RIMS1: variants seen among roughly 807,000 people sequenced by gnomAD.
RIMS1 encodes regulating synaptic membrane exocytosis 1, also known as regulating synaptic membrane exocytosis protein 1.
A neutral mutation model predicts 214.1 loss-of-function variants in RIMS1; 83 were observed. The observed-to-expected ratio is 0.39, with a 90% confidence interval of 0.32 to 0.47. RIMS1 has a LOEUF of 0.47. RIMS1 is among the 20% of genes least tolerant of loss of function. The probability of loss-of-function intolerance (pLI) is 0.99; values close to 1 mark genes in which losing one functional copy is unlikely to be tolerated. For synonymous variants in RIMS1, 793 were observed against 786.8 expected (o/e 1.01, Z -0.13); for missense variants, 2,050 against 2,161.8 (o/e 0.95, Z 1.03).
intron 26 of RIMS1, among the ~76,000 whole-genome samples, chr6:72,297,853 G>A (rs2094247829): frequency 6.6e-6 from 1 of 151,962 alleles, no homozygotes; most frequent in Admixed American, 6.6e-5. Context: ...TTAAGCTCAC[G>A]TAACCCAAAA....
In RIMS1 at chr6:71,905,686, T is replaced by A. The variant is rs1775048059; in HGVS notation, c.164+18499T>A. ...AAAACTGGGATGCCTGGGATTTGAG[T>A]GAGAAGAGCGTTAGCAGCCAGATCA... On this transcript the variant is annotated intron_variant, in intron 1 of 33. Coordinates refer to ENST00000521978, the MANE Select transcript of RIMS1 (RefSeq NM_014989.7). Among the ~76,000 whole-genome samples the A allele has an allele frequency of 2.6e-5, 4 of 152,230 alleles. No homozygotes were observed. The South Asian group carries it at 8.3e-4, about 32-fold the overall frequency.
chr6:72,383,898 A>G (rs1437899204), intron 29 of RIMS1, among the ~76,000 whole-genome samples: 2 of 152,210 alleles, frequency 1.3e-5, no homozygotes, highest in African/African-American at 4.8e-5. Flanking sequence ...ATATTATTTC[A>G]GAATAACCAA....
intron 6 of RIMS1, among the ~76,000 whole-genome samples, chr6:72,197,652 A>T (rs2051209319): frequency 6.6e-6 from 1 of 152,144 alleles, no homozygotes; most frequent in Non-Finnish European, 1.5e-5. Context: ...GACCAAACTC[A>T]GTATCACACA....
intron 2 of RIMS1, among the ~76,000 whole-genome samples, chr6:72,039,618 ACTCT>A (rs761436146): frequency 5.9e-5 from 9 of 151,990 alleles, no homozygotes; most frequent in Non-Finnish European, 8.8e-5. Context: ...AAGCACCAAG[ACTCT>A]CTGTGATCCA....
At chr6:72,249,677 T>A (rs1020169138) in intron 12 of RIMS1, among the ~76,000 whole-genome samples, 1 of 152,066 alleles carries the variant, frequency 6.6e-6, no homozygotes, top group African/African-American at 2.4e-5. Context: ...GAGGCTGAAC[T>A]GGGAGAATTG....
At chr6:72,376,476 GGGCTCCGT>G (rs1289490849) in intron 29 of RIMS1, among the ~76,000 whole-genome samples, 1 of 152,144 alleles carries the variant, frequency 6.6e-6, no homozygotes, top group Non-Finnish European at 1.5e-5. Context: ...AAGAAGGGCT[GGGCTCCGT>G]GGCTCATTCC....
chr6:72,038,584 C>T (rs1169782407), intron 2 of RIMS1, among the ~76,000 whole-genome samples: 1 of 151,994 alleles, frequency 6.6e-6, no homozygotes, highest in Non-Finnish European at 1.5e-5. Context: ...AGTTTTAAAA[C>T]AAATGTTTAC....
At chr6:72,110,294 G>T (rs2035776416) in intron 4 of RIMS1, among the ~76,000 whole-genome samples, 1 of 152,204 alleles carries the variant, frequency 6.6e-6, no homozygotes, top group African/African-American at 2.4e-5. Flanking sequence ...ACCTTGGGCA[G>T]TATGGCCATT....
At chr6:72,183,970 TAAATC>T (rs2048741800) in intron 6 of RIMS1, among the ~76,000 whole-genome samples, 1 of 152,204 alleles carries the variant, frequency 6.6e-6, no homozygotes. Flanking sequence ...CATGCGGTAT[TAAATC>T]ATAGCTGCAT....
At chr6:72,017,825 T>A (rs552972956) in intron 2 of RIMS1, among the ~76,000 whole-genome samples, 1 of 152,330 alleles carries the variant, frequency 6.6e-6, no homozygotes, top group Admixed American at 6.5e-5. Flanking sequence ...GACATTTCAG[T>A]AACAACCTGA....
chr6:71,928,499 T>C (rs1782169958), intron 1 of RIMS1, among the ~76,000 whole-genome samples: 1 of 152,148 alleles, frequency 6.6e-6, no homozygotes, highest in Non-Finnish European at 1.5e-5. Context: ...ATGGAGGGTA[T>C]ATTAAAATCA....
intron 29 of RIMS1, among the ~76,000 whole-genome samples, chr6:72,346,071 C>G (rs561991154): frequency 6.6e-6 from 1 of 151,694 alleles, no homozygotes; most frequent in African/African-American, 2.4e-5. Flanking sequence ...TCCTTTTTGA[C>G]CCTCCATTTT....
At chr6:72,058,541 C>T (rs1201573518) in intron 2 of RIMS1, among the ~76,000 whole-genome samples, 1 of 152,168 alleles carries the variant, frequency 6.6e-6, no homozygotes, top group Non-Finnish European at 1.5e-5. Flanking sequence ...TTGTAGGAAC[C>T]CTTTCATATG....
At chr6:72,329,827 A>T (rs2154336030) in intron 28 of RIMS1, among the ~76,000 whole-genome samples, 1 of 151,778 alleles carries the variant, frequency 6.6e-6, no homozygotes, top group Non-Finnish European at 1.5e-5. Context: ...AAGATTGGAG[A>T]GGGAGCAGGT....
At chr6:71,901,853 C>T (rs78468532) in intron 1 of RIMS1, among the ~76,000 whole-genome samples, 3,309 of 152,056 alleles carry the variant, frequency 0.022, 117 homozygotes, top group African/African-American at 0.073. Context: ...CTATTGTATT[C>T]GGTAACAAGG....
chr6:72,284,761 A>C (rs1294886874), intron 24 of RIMS1, among the ~76,000 whole-genome samples: 1 of 152,182 alleles, frequency 6.6e-6, no homozygotes, highest in East Asian at 1.9e-4. Context: ...TCATTTATCC[A>C]ACAATGACTG....
At position 72,389,717 on chromosome 6, in the gene RIMS1, G is replaced by T. The variant is rs200892875; in HGVS notation, c.4367-881G>T. ...AAGCGAAAACCAGAAATTTATATAG[G>T]ACGTATAGATGGAATAAAGTCTAAC... On this transcript the variant is annotated intron_variant, in intron 29 of 33. Transcript: ENST00000521978. 2.0e-5 allele frequency among the ~76,000 whole-genome samples: 3 copies of T among 152,238 alleles called. No individual in the cohort carries two copies. In the East Asian group the frequency reaches 5.8e-4, roughly 29 times the overall value.
intron 26 of RIMS1, among the ~76,000 whole-genome samples, chr6:72,294,582 T>C (rs993484161): frequency 6.6e-6 from 1 of 151,796 alleles, no homozygotes; most frequent in Non-Finnish European, 1.5e-5. Context: ...CGTTTCTGGG[T>C]ACAGTTATCT....
chr6:71,987,703 C>T (rs1800443424), intron 2 of RIMS1, among the ~76,000 whole-genome samples: 2 of 151,998 alleles, frequency 1.3e-5, no homozygotes, highest in South Asian at 4.2e-4. Flanking sequence ...GGGTCGGCTA[C>T]AATAGAAAAC....
Sources: gnomAD v4.1 joint callset for allele counts (sites outside exome capture counted in the v4.1 genomes callset) on GRCh38, gnomAD v4.1.1 for gene constraint, MANE v1.5 for transcripts, NCBI Gene and HGNC (gene_info 2026-07-23, HGNC 2026-07-21) for gene names.